Variants in BRME1 observed in about 807,000 individuals in gnomAD.
BRME1 encodes the protein BRCA2 and MEILB2-associating protein 1.
Under a neutral mutation model 52.6 loss-of-function variants are expected in BRME1, and 31 were observed. The observed-to-expected ratio is 0.59, with a 90% confidence interval of 0.44 to 0.80. The LOEUF (loss-of-function observed/expected upper bound fraction) is 0.80, where lower values mean the gene tolerates loss of function less well. Among genes scored for constraint, BRME1 ranks in the 30% least tolerant of loss-of-function variants. BRME1 has a pLI of 0.00. For synonymous variants in BRME1, 359 were observed against 353.6 expected, an observed-to-expected ratio of 1.02 and a Z score of -0.17; for missense variants, 804 against 860.3, an observed-to-expected ratio of 0.93 and a Z score of 0.82.
intron 6 of BRME1, 129 bp downstream of exon 6, chr19:13,889,059 G>A (rs1459626818): frequency 3.0e-5 from 25 of 843,238 alleles, no homozygotes; most frequent in Middle Eastern, 3.6e-4. Flanking sequence ...TCCTATAGTC[G>A]TTGGCTGTGT....
rs1052196193 is a variant in BRME1 at position 13,905,812 on chromosome 19, C to G, written c.-119G>C. ...AGTCGCTTGAATTATCCGCGTTACT[C>G]TTTTTGGAAAAAATAAATGGCCAAA... is the stretch of plus-strand genomic sequence containing the variant. On this transcript the variant is annotated 5_prime_UTR_variant, in exon 1 of 9. Coordinates refer to ENST00000586783, the MANE Select transcript of BRME1 (RefSeq NM_001345843.2). The G allele has an allele frequency of 1.3e-5, 2 of 152,214 alleles. No individual in the cohort carries two copies. Among genetic ancestry groups the G allele is most frequent in the Non-Finnish European group, 2.9e-5 (2 of 68,042 alleles). 9.4% of individuals were successfully genotyped at this position (152,214 alleles called of 1,614,324 possible). A position where few individuals can be genotyped will look rare whatever the true frequency, so the allele number is the denominator to read the frequency against.
chr19:13,890,129 C>T lies in BRME1; in HGVS notation c.727G>A (p.Glu243Lys). The T allele has an allele frequency of 6.2e-7, 1 of 1,614,180 alleles. No homozygotes were observed. Among genetic ancestry groups the T allele is most frequent in the South Asian group, 1.1e-5 (1 of 91,088 alleles). ...QKEHLPSIDS[E>K]GEKPDRGAPQ... ...GCTCCTCTGTCTGGCTTCTCCCCTTCAGAATCAATGCTTGGTAGGTGTTCC... is the reference window on the plus strand; with the variant it reads ...GCTCCTCTGTCTGGCTTCTCCCCTTTAGAATCAATGCTTGGTAGGTGTTCC... Residue 243 changes from glutamate (E) to lysine (K), a missense_variant, in exon 6 of 9, where the codon GAA becomes AAA. Glu to Lys is a moderately conservative substitution (Grantham distance 56). Coordinates refer to ENST00000586783, the MANE Select transcript of BRME1 (RefSeq NM_001345843.2).
intron 8 of BRME1, 22 bp from the exon 9 acceptor site, chr19:13,882,974 G>C (rs1483396882): frequency 6.2e-7 from 1 of 1,607,224 alleles, no homozygotes; most frequent in Admixed American, 1.7e-5. Flanking sequence ...ACACAGGCAT[G>C]CGTGTGGGGC....
Position 13,882,584 on chromosome 19 carries a change from C to CA in BRME1, c.*217dup. The CA allele has an allele frequency of 1.7e-6, 1 of 592,774 alleles. No individual in the cohort carries two copies. The highest frequency in any genetic ancestry group is 2.9e-6 in the Non-Finnish European group (1 of 343,356). 36.7% of individuals were successfully genotyped at this position (592,774 alleles called of 1,614,324 possible). A position where few individuals can be genotyped will look rare whatever the true frequency, so the allele number is the denominator to read the frequency against. On this transcript the variant is annotated 3_prime_UTR_variant, in exon 9 of 9. Transcript: ENST00000586783. ...TTGAAGTCACTGGGGCTGTGGGAGACACAGTTTCCCTCCCTGAAGCCAAGG... is the reference window on the plus strand; with the variant it reads ...TTGAAGTCACTGGGGCTGTGGGAGACAACAGTTTCCCTCCCTGAAGCCAAGG...
chr19:13,882,891 T>C lies in BRME1; in HGVS notation c.1918A>G (p.Thr640Ala). 6.2e-7 allele frequency: 1 copy of C among 1,613,842 alleles called. No homozygotes were observed. The highest frequency in any genetic ancestry group is 8.5e-7 in the Non-Finnish European group (1 of 1,179,972). The change falls in exon 9 of 9, where the codon ACA (threonine) becomes GCA (alanine). Residue 640 changes from threonine (T) to alanine (A), a missense_variant. Transcript: ENST00000586783. ...AGGGGGGCTTTGCCTCCCAGCTTTG[T>C]CTTCCGGTAGTTAAGGCGCTTGAAA... ...EAFKRLNYRK[T>A]KLGGKAPLPY...
chr19:13,903,654 CAG>C (rs1233583928), intron 2 of BRME1, among the ~76,000 whole-genome samples: 1 of 142,790 alleles, frequency 7.0e-6, no homozygotes, highest in Non-Finnish European at 1.5e-5. Context: ...GCCTGGACGA[CAG>C]AGTCAGACTT....
chr19:13,902,382 C>T (rs963575520), intron 2 of BRME1, among the ~76,000 whole-genome samples: 1 of 151,930 alleles, frequency 6.6e-6, no homozygotes, highest in Non-Finnish European at 1.5e-5. Flanking sequence ...GCCTGTAATC[C>T]CAGCACTTTG....
rs540318673 is a variant in BRME1, at chr19:13,883,923, CT to C, written c.1764-524del. Among the ~76,000 whole-genome samples the C allele has an allele frequency of 6.7e-4, 102 of 152,236 alleles. No individual in the cohort carries two copies. The highest frequency in any genetic ancestry group is 2.0e-3 in the Admixed American group (31 of 15,270). On this transcript the variant is annotated intron_variant, in intron 7 of 8. Coordinates refer to ENST00000586783, the MANE Select transcript of BRME1 (RefSeq NM_001345843.2). The surrounding 1 kb of genome is among the most constrained non-coding windows in gnomAD (Gnocchi z 4.2). ...TACATTTTAACCCCTTCTCCGCTGC[CT>C]TTTTTTCCCCAACACTCTGCCATCT...
intron 2 of BRME1, 111 bp downstream of exon 2, chr19:13,904,751 C>A: frequency 1.7e-6 from 2 of 1,175,238 alleles, no homozygotes; most frequent in East Asian, 2.4e-5. Context: ...ATCCTTGCTT[C>A]CTTTTAAGGA....
intron 5 of BRME1, 105 bp from the exon 6 acceptor site, chr19:13,890,567 T>C (rs1969415510): frequency 1.7e-6 from 2 of 1,170,414 alleles, no homozygotes; most frequent in South Asian, 4.4e-5. Context: ...TGTCATTACT[T>C]TTAATGGCAA....
chr19:13,903,791 C>A (rs1471808585), intron 2 of BRME1, among the ~76,000 whole-genome samples: 1 of 152,092 alleles, frequency 6.6e-6, no homozygotes, highest in Non-Finnish European at 1.5e-5. Context: ...CTTTTATTAT[C>A]CCCAATTTAC....
At chr19:13,894,576 T>A (rs1969748298) in intron 3 of BRME1, among the ~76,000 whole-genome samples, 1 of 152,154 alleles carries the variant, frequency 6.6e-6, no homozygotes, top group Admixed American at 6.6e-5. Context: ...TTTTGGCTAA[T>A]TATTTTATTT....
chr19:13,882,679 A>T lies in BRME1; in HGVS notation c.*123T>A, dbSNP rs1968713345. ...CGGCCTCCTTTGTGTTGTCCATGGA[A>T]GACCAACTTCCGGGCAACTGAAGGG... On this transcript the variant is annotated 3_prime_UTR_variant, in exon 9 of 9. Coordinates refer to ENST00000586783, the MANE Select transcript of BRME1 (RefSeq NM_001345843.2). 7.5e-7 allele frequency: 1 copy of T among 1,339,104 alleles called. No homozygotes were observed. The highest frequency in any genetic ancestry group is 2.2e-5 in the Admixed American group (1 of 45,266). 83.0% of individuals were successfully genotyped at this position (1,339,104 alleles called of 1,614,324 possible).
rs774741315 is a variant in BRME1, at chr19:13,890,441, C to T, written c.415G>A (p.Ala139Thr). ...AGCAGCTGGCATCCTGGACTCTGGG[C>T]GCTGGACTCTGCGATTGTTTCCTGT... ...FSLETIAESSAQSPGCQLLVE... is the reference protein window; with the variant it reads ...FSLETIAESSTQSPGCQLLVE... The change falls in exon 6 of 9, where the codon GCC becomes ACC. Residue 139 changes from alanine to threonine, a missense_variant. Physicochemically the swap from Ala to Thr is moderately conservative, Grantham distance 58. Around this residue, in one of 3 missense-constraint regions of BRME1, gnomAD observed 234 missense variants for 258.1 expected, o/e 0.91. Transcript: ENST00000586783. 71 of 1,502,628 alleles carry T rather than the reference C, an allele frequency of 4.7e-5. No homozygotes were observed. Among genetic ancestry groups the T allele is most frequent in the Non-Finnish European group, 5.4e-5 (61 of 1,131,658 alleles). The allele number at this position is 1,502,628 out of a possible 1,614,324, so 93.1% of individuals were successfully genotyped here.
chr19:13,893,178 T>C lies in BRME1; in HGVS notation c.252A>G (p.Gln84=). 1 of 1,594,256 alleles carries C rather than the reference T, an allele frequency of 6.3e-7. No homozygotes were observed. Among genetic ancestry groups the C allele is most frequent in the Non-Finnish European group, 8.5e-7 (1 of 1,172,238 alleles). ...GAAGGGGAGCTGGCTCCTTTTCTGG[T>C]TGACGGAGGAGCCGGCAGGGAGATC... The part of the protein sequence containing the change: ...ETGSPCRLLR[Q]PEKEPAPLPP... The change falls in exon 4 of 9, where the codon CAA becomes CAG. Residue 84 remains glutamine (Q), a synonymous_variant. Transcript: ENST00000586783.
At chr19:13,890,656 G>A (rs776590882) in intron 5 of BRME1, among the ~76,000 whole-genome samples, 194 bp from the exon 6 acceptor site, 3 of 152,180 alleles carry the variant, frequency 2.0e-5, no homozygotes, top group Non-Finnish European at 2.9e-5. Flanking sequence ...CTTGAGGTCA[G>A]GAGTTCAAGA....
At chr19:13,900,774 C>T (rs1224024378) in intron 2 of BRME1, among the ~76,000 whole-genome samples, 2 of 151,254 alleles carry the variant, frequency 1.3e-5, no homozygotes, top group East Asian at 1.9e-4. Context: ...TGGGCTCAAG[C>T]GAGTCTCGTG....
Position 13,883,979 on chromosome 19 carries a change from C to G in BRME1, c.1764-579G>C, listed in dbSNP as rs1357278161. Among the ~76,000 whole-genome samples, 1 of 152,126 alleles carries G rather than the reference C, an allele frequency of 6.6e-6. No homozygotes were observed. Among genetic ancestry groups the G allele is most frequent in the East Asian group, 1.9e-4 (1 of 5,194 alleles). The stretch of plus-strand genomic sequence containing the variant: ...ATCTAATCTGCTGTCTCTCATGTCC[C>G]CACACCCCGAATCCCCCAGTAGCAT... On this transcript the variant is annotated intron_variant, in intron 7 of 8. Transcript: ENST00000586783. The surrounding 1 kb of genome is among the most constrained non-coding windows in gnomAD (Gnocchi z 4.2).
At position 13,889,689 on chromosome 19, in the gene BRME1, C is replaced by A. The variant is rs747313593; in HGVS notation, c.1167G>T (p.Ser389=). Residue 389 remains serine (S), a synonymous_variant, in exon 6 of 9, where the codon TCG becomes TCT. Transcript: ENST00000586783. ...GHRRALPGCT[S]LTGETTGESG... ...TTTCTCCTGTGGTTTCCCCAGTGAG[C>A]GAGGTGCAGCCTGGCAAGGCCCTCC... 5.0e-6 allele frequency: 8 copies of A among 1,609,536 alleles called. No individual in the cohort carries two copies. The highest frequency in any genetic ancestry group is 1.1e-5 in the South Asian group (1 of 90,790).
Sources: allele counts gnomAD v4.1 joint callset (sites outside exome capture counted in the v4.1 genomes callset), GRCh38; gene constraint gnomAD v4.1.1; regional missense constraint gnomAD v4.1.1; non-coding constraint Gnocchi (gnomAD v3.1); transcripts MANE v1.5; gene names NCBI Gene and HGNC (gene_info 2026-07-23, HGNC 2026-07-21).